PSMD1: variants seen among roughly 807,000 people sequenced by gnomAD.
The protein encoded by PSMD1 is 26S proteasome non-ATPase regulatory subunit 1.
Under a neutral mutation model 119.0 loss-of-function variants are expected in PSMD1, and 18 were observed. That is an observed-to-expected ratio of 0.15 (90% CI 0.10 to 0.22). The LOEUF is 0.22. PSMD1 is among the 10% of genes least tolerant of loss of function. The probability of loss-of-function intolerance (pLI) is 1.00; values close to 1 mark genes in which losing one functional copy is unlikely to be tolerated. For synonymous variants in PSMD1, 374 were observed against 396.6 expected, an observed-to-expected ratio of 0.94 and a Z score of 0.68; for missense variants, 702 against 1,158.5, an observed-to-expected ratio of 0.61 and a Z score of 5.72.
At chr2:231,136,089 TCTTTTTTTAAAATGC>T (rs1695957681) in intron 16 of PSMD1, among the ~76,000 whole-genome samples, 1 of 152,216 alleles carries the variant, frequency 6.6e-6, no homozygotes, top group Non-Finnish European at 1.5e-5. Context: ...AACAGGATAG[TCTTTTTTTAAAATGC>T]CTTTTTAATA....
At chr2:231,166,858 C>T (rs1170196425) in intron 23 of PSMD1, among the ~76,000 whole-genome samples, 1 of 152,154 alleles carries the variant, frequency 6.6e-6, no homozygotes, top group Non-Finnish European at 1.5e-5. Flanking sequence ...CTTAACCTGA[C>T]TAATTTATCA....
In PSMD1 at chr2:231,170,623, G is replaced by A; in HGVS notation, c.2773G>A (p.Val925Met). The A allele has an allele frequency of 6.2e-7, 1 of 1,614,106 alleles. No homozygotes were observed. ...KDTSEDIEEL[V>M]EPVAAHGPKI... ...TACCAGTGAAGACATTGAGGAGCTG[G>A]TGGAACCTGTGGCAGCACATGGCCC... Residue 925 changes from valine to methionine, a missense_variant, in exon 24 of 25, where the codon GTG becomes ATG. By Grantham distance (21) the Val-to-Met change is conservative. Coordinates refer to ENST00000308696, the MANE Select transcript of PSMD1 (RefSeq NM_002807.4). This position sits in a 1 kb window ranked among gnomAD's most constrained non-coding sequence, Gnocchi z 4.1.
intron 16 of PSMD1, chr2:231,109,429 G>A (rs1320253392): frequency 2.5e-6 from 4 of 1,606,064 alleles, no homozygotes; most frequent in Non-Finnish European, 3.4e-6. Flanking sequence ...AGGAAAACAA[G>A]ATAAATTGAG....
At chr2:231,106,377 G>GGCAA (rs1694974835) in intron 16 of PSMD1, among the ~76,000 whole-genome samples, 1 of 152,174 alleles carries the variant, frequency 6.6e-6, no homozygotes, top group African/African-American at 2.4e-5. Flanking sequence ...CCAGCACTTT[G>GGCAA]GGAGGCCAAG....
chr2:231,142,956 A>G (rs1696163162), intron 17 of PSMD1, among the ~76,000 whole-genome samples: 1 of 152,190 alleles, frequency 6.6e-6, no homozygotes, highest in African/African-American at 2.4e-5. Flanking sequence ...ACTTTCCAAC[A>G]AAGGATTCAG....
intron 23 of PSMD1, among the ~76,000 whole-genome samples, chr2:231,166,543 T>G (rs1354800887): frequency 6.6e-6 from 1 of 151,820 alleles, no homozygotes; most frequent in East Asian, 1.9e-4. Flanking sequence ...ACCATTGTCA[T>G]AAATGCATTG....
intron 7 of PSMD1, among the ~76,000 whole-genome samples, chr2:231,073,191 G>A (rs952888482): frequency 4.6e-5 from 7 of 152,140 alleles, no homozygotes; most frequent in Non-Finnish European, 1.0e-4. Flanking sequence ...GGTGTGGTTC[G>A]TGGTGTCCCA....
intron 12 of PSMD1, among the ~76,000 whole-genome samples, chr2:231,082,458 C>A (rs889791504): frequency 1.3e-5 from 2 of 152,178 alleles, no homozygotes; most frequent in Non-Finnish European, 2.9e-5. Context: ...AATCCCAGAA[C>A]TTTGGGAGGC....
intron 1 of PSMD1, chr2:231,060,492 C>T (rs1693730255): frequency 6.6e-6 from 1 of 152,196 alleles, no homozygotes; most frequent in Admixed American, 6.5e-5. Context: ...ACAATAATTT[C>T]CCATATCATT....
intron 20 of PSMD1, 64 bp downstream of exon 20, chr2:231,161,573 G>GC: frequency 7.0e-7 from 1 of 1,437,852 alleles, no homozygotes; most frequent in Non-Finnish European, 9.5e-7. Flanking sequence ...CATATTTACC[G>GC]CCCACTTGCA....
At position 231,163,673 on chromosome 2, in the gene PSMD1, C is replaced by G; in HGVS notation, c.2427C>G (p.Ser809=). 1 of 1,613,126 alleles carries G rather than the reference C, an allele frequency of 6.2e-7. No individual in the cohort carries two copies. The highest frequency in any genetic ancestry group is 1.1e-5 in the South Asian group (1 of 91,038). ...AGTATAAATCGAACTGTAAACCATC[C>G]ACATTTGCATATCCTGCCCCTCTGG... ...KVQYKSNCKP[S]TFAYPAPLEV... Residue 809 remains serine (S), a synonymous_variant, in exon 21 of 25, where the codon TCC becomes TCG. Coordinates refer to ENST00000308696, the MANE Select transcript of PSMD1 (RefSeq NM_002807.4).
intron 7 of PSMD1, among the ~76,000 whole-genome samples, chr2:231,072,852 A>C (rs1694072689): frequency 6.6e-6 from 1 of 152,118 alleles, no homozygotes; most frequent in Non-Finnish European, 1.5e-5. Flanking sequence ...ATTCTGTACA[A>C]ATTGATATGG....
intron 19 of PSMD1, among the ~76,000 whole-genome samples, chr2:231,160,916 T>A (rs1346777415): frequency 6.6e-6 from 1 of 152,174 alleles, no homozygotes; most frequent in Non-Finnish European, 1.5e-5. Context: ...CACTTACAAA[T>A]CTTTATTATT....
At chr2:231,104,990 T>C (rs1185509611) in intron 16 of PSMD1, among the ~76,000 whole-genome samples, 1 of 152,178 alleles carries the variant, frequency 6.6e-6, no homozygotes, top group Admixed American at 6.5e-5. Context: ...TTCTTCATAA[T>C]TTTTAAAAAC....
rs187504334 is a variant in PSMD1 at position 231,117,276 on chromosome 2, A to G, written c.1884-21460A>G. The stretch of plus-strand genomic sequence containing the variant: ...TATTTGTTATAATGTATTCTGTCCA[A>G]TATACTTCCACAAAGACTTAAGACA... On this transcript the variant is annotated intron_variant, in intron 16 of 24. Coordinates refer to ENST00000308696, the MANE Select transcript of PSMD1 (RefSeq NM_002807.4). Among the ~76,000 whole-genome samples, 68 of 152,168 alleles carry G rather than the reference A, an allele frequency of 4.5e-4. No homozygotes were observed. In the East Asian group the frequency reaches 9.9e-3, roughly 22 times the overall value.
intron 1 of PSMD1, among the ~76,000 whole-genome samples, chr2:231,059,447 A>G (rs1231276848): frequency 2.0e-5 from 3 of 152,162 alleles, no homozygotes; most frequent in East Asian, 1.9e-4. Context: ...AGAGGTCAAC[A>G]TGTTCTATTA....
chr2:231,075,621 C>G, intron 8 of PSMD1, 50 bp downstream of exon 8: 1 of 1,554,396 alleles, frequency 6.4e-7, no homozygotes, highest in African/African-American at 1.4e-5. Flanking sequence ...GATCTGTCAC[C>G]CAGGCTAGAA....
chr2:231,099,124 C>CT (rs1340384915), intron 16 of PSMD1, among the ~76,000 whole-genome samples: 6 of 152,130 alleles, frequency 3.9e-5, no homozygotes, highest in Admixed American at 6.5e-5. Flanking sequence ...CAGTGGCTGT[C>CT]TGAGCGGAAA....
At chr2:231,143,291 G>A (rs1224679956) in intron 17 of PSMD1, among the ~76,000 whole-genome samples, 1 of 151,954 alleles carries the variant, frequency 6.6e-6, no homozygotes, top group Admixed American at 6.6e-5. Context: ...GTGCAGTGGC[G>A]CTATCTCGGC....
Sources: gnomAD v4.1 joint callset for allele counts (sites outside exome capture counted in the v4.1 genomes callset) on GRCh38, gnomAD v4.1.1 for gene constraint, Gnocchi (gnomAD v3.1) non-coding constraint, MANE v1.5 for transcripts, NCBI Gene and HGNC (gene_info 2026-07-23, HGNC 2026-07-21) for gene names.